The following VRK2 variants were observed in gnomAD, a reference collection of about 807,000 sequenced individuals.
VRK2 encodes the protein serine/threonine-protein kinase VRK2.
VRK2 carries 60 observed loss-of-function variants against 57.6 expected under a neutral mutation model. The ratio of observed to expected loss-of-function variants is 1.04; its 90% CI spans 0.85 to 1.29. The LOEUF (loss-of-function observed/expected upper bound fraction) is 1.29. Ranked by LOEUF, VRK2 falls within the 50% of genes most tolerant of loss-of-function variation. The pLI is 0.00. For missense variants in VRK2, 705 were observed against 588.1 expected (o/e 1.20, Z -2.06); for synonymous variants, 231 against 199.2 (o/e 1.16, Z -1.35).
intron 2 of VRK2, among the ~76,000 whole-genome samples, chr2:58,065,017 T>C (rs1668428602): frequency 6.6e-6 from 1 of 152,158 alleles, no homozygotes; most frequent in Non-Finnish European, 1.5e-5. Context: ...CCTTGAAGCC[T>C]ACTGCTTTTC....
chr2:57,926,545 G>A (rs1190320708), intron 1 of VRK2, among the ~76,000 whole-genome samples: 1 of 150,488 alleles, frequency 6.6e-6, no homozygotes, highest in Non-Finnish European at 1.5e-5. Context: ...TATATAGAGA[G>A]AGAGAATTGT....
At chr2:57,987,478 T>C (rs1417759780) in intron 1 of VRK2, among the ~76,000 whole-genome samples, 1 of 152,118 alleles carries the variant, frequency 6.6e-6, no homozygotes, top group Non-Finnish European at 1.5e-5. Context: ...TTTGAATAGC[T>C]TTAAAAAAAA....
intron 7 of VRK2, among the ~76,000 whole-genome samples, chr2:58,106,599 G>A (rs1311288179): frequency 3.9e-5 from 6 of 151,912 alleles, no homozygotes; most frequent in Non-Finnish European, 7.4e-5. Flanking sequence ...TCATGAGCAT[G>A]TCATTAAGTC....
chr2:58,098,232 A>C (rs1485529841), intron 7 of VRK2, among the ~76,000 whole-genome samples: 1 of 152,042 alleles, frequency 6.6e-6, no homozygotes, highest in African/African-American at 2.4e-5. Context: ...CAAAAGAGTC[A>C]AAAAGTTTTA....
intron 6 of VRK2, 52 bp from the exon 7 acceptor site, chr2:58,089,579 A>T (rs1672088106): frequency 3.5e-6 from 4 of 1,141,390 alleles, no homozygotes; most frequent in Non-Finnish European, 5.0e-6. Flanking sequence ...GTTGAAATTG[A>T]TCATGAGTTC....
intron 7 of VRK2, among the ~76,000 whole-genome samples, chr2:58,096,292 A>G (rs1247973485): frequency 1.3e-5 from 2 of 152,118 alleles, no homozygotes; most frequent in Non-Finnish European, 2.9e-5. Context: ...GGTTCATAAA[A>G]AGAATTTGGA....
chr2:58,152,220 A>G (rs756487537), intron 12 of VRK2, among the ~76,000 whole-genome samples: 2 of 151,910 alleles, frequency 1.3e-5, no homozygotes, highest in Non-Finnish European at 2.9e-5. Context: ...TGTCTATTTT[A>G]TAGTAACAGC....
intron 1 of VRK2, among the ~76,000 whole-genome samples, chr2:57,939,222 G>T (rs1031528826): frequency 6.6e-6 from 1 of 152,126 alleles, no homozygotes. Flanking sequence ...CCTCCATTTT[G>T]TGCCTTTTAT....
At chr2:58,113,340 G>A (rs905959901) in intron 7 of VRK2, among the ~76,000 whole-genome samples, 2 of 151,020 alleles carry the variant, frequency 1.3e-5, no homozygotes, top group Non-Finnish European at 2.9e-5. Context: ...AGACAGTTGC[G>A]TTTCTTCTGG....
At chr2:58,006,229 T>C (rs903297677) in intron 1 of VRK2, among the ~76,000 whole-genome samples, 2 of 152,314 alleles carry the variant, frequency 1.3e-5, no homozygotes, top group South Asian at 2.1e-4. Context: ...TCAGGCGTAT[T>C]GGCATAGAGT....
At chr2:57,949,610 T>A (rs1671364547) in intron 1 of VRK2, among the ~76,000 whole-genome samples, 1 of 152,154 alleles carries the variant, frequency 6.6e-6, no homozygotes, top group Non-Finnish European at 1.5e-5. Context: ...ACTTCTCTGT[T>A]CCTTGAGACA....
chr2:58,137,053 G>C (rs1158256627), intron 10 of VRK2, among the ~76,000 whole-genome samples: 1 of 123,018 alleles, frequency 8.1e-6, no homozygotes, highest in African/African-American at 3.2e-5. Context: ...TAATATATAT[G>C]TGTATATATC....
intron 1 of VRK2, among the ~76,000 whole-genome samples, chr2:57,979,556 A>G (rs559095906): frequency 1.3e-4 from 19 of 145,264 alleles, no homozygotes; most frequent in Non-Finnish European, 2.1e-4. Context: ...GCCTCATAGA[A>G]TTAGTTAAGG....
chr2:58,142,493 G>A (rs1681494942), intron 11 of VRK2, among the ~76,000 whole-genome samples: 1 of 151,640 alleles, frequency 6.6e-6, no homozygotes, highest in Non-Finnish European at 1.5e-5. Flanking sequence ...ATCTTTTGGG[G>A]TATTTGCCTG....
rs529796004 is a variant in VRK2 at position 58,084,918 on chromosome 2, A to C, written c.224A>C (p.Lys75Thr). 1.8e-5 allele frequency: 28 copies of C among 1,591,112 alleles called. No individual in the cohort carries two copies. Among genetic ancestry groups the C allele is most frequent in the Non-Finnish European group, 2.4e-5 (28 of 1,169,564 alleles). The change falls in exon 4 of 13, where the codon AAA becomes ACA. Residue 75 changes from lysine to threonine, a missense_variant. Coordinates refer to ENST00000340157, the MANE Select transcript of VRK2 (RefSeq NM_006296.7). ...AATGGCCCGTTATTTTCAGAACTTA[A>C]ATTTTATCAGAGAGTTGCAAAAAAA... Reference protein sequence around the residue: ...QENGPLFSELKFYQRVAKKDC... With the variant: ...QENGPLFSELTFYQRVAKKDC...
chr2:58,042,080 C>T (rs555313668), upstream of VRK2, among the ~76,000 whole-genome samples: 1 of 152,230 alleles, frequency 6.6e-6, no homozygotes, highest in South Asian at 2.1e-4. Context: ...CCGGGCATGT[C>T]CTTAACCTTG....
chr2:58,041,045 T>A lies in VRK2; in HGVS notation c.-6+7492T>A, dbSNP rs1518404. On this transcript the variant is annotated intron_variant, in intron 3 of 15. Transcript: ENST00000417641. ...CTTCTCCTCCTTATCCAGCTCATGT[T>A]TTTGGTTACTGCAGGGATGTTAACT... is the stretch of plus-strand genomic sequence containing the variant. The A allele has an allele frequency of 4.5e-3, 4,406 of 985,256 alleles. 76 individuals carry two copies. The highest frequency in any genetic ancestry group is 0.042 in the African/African-American group (2,382 of 57,328). 61.0% of individuals were successfully genotyped at this position (985,256 alleles called of 1,614,324 possible). A position where few individuals can be genotyped will look rare whatever the true frequency, so the allele number is the denominator to read the frequency against.
intron 1 of VRK2, among the ~76,000 whole-genome samples, chr2:58,010,668 G>T (rs1445248607): frequency 6.6e-6 from 1 of 152,082 alleles, no homozygotes; most frequent in Non-Finnish European, 1.5e-5. Flanking sequence ...GCTTGTGATT[G>T]TTTCTTCTTC....
chr2:57,973,981 A>G (rs150377552), intron 1 of VRK2, among the ~76,000 whole-genome samples: 67 of 152,000 alleles, frequency 4.4e-4, no homozygotes, highest in African/African-American at 1.6e-3. Context: ...GAGAAGCCAG[A>G]TGCCAAAAAC....
Sources: gnomAD v4.1 joint callset for allele counts (sites outside exome capture counted in the v4.1 genomes callset) on GRCh38, gnomAD v4.1.1 for gene constraint, MANE v1.5 for transcripts, NCBI Gene and HGNC (gene_info 2026-07-23, HGNC 2026-07-21) for gene names.